NUP188: variants seen among roughly 807,000 people sequenced by gnomAD.
NUP188 encodes nucleoporin 188.
NUP188 carries 97 observed loss-of-function variants against 223.0 expected under a neutral mutation model. The ratio of observed to expected loss-of-function variants is 0.43; its 90% CI spans 0.37 to 0.51. NUP188 has a LOEUF of 0.51. Ranked by LOEUF, NUP188 falls within the 20% of genes least tolerant of loss-of-function variation. The probability of loss-of-function intolerance (pLI) is 0.00; values close to 1 mark genes in which losing one functional copy is unlikely to be tolerated. For synonymous variants in NUP188, 869 were observed against 828.0 expected (o/e 1.05, Z -0.85); for missense variants, 1,947 against 2,175.6 (o/e 0.89, Z 2.09).
chr9:128,954,385 T>G (rs1455129894), intron 3 of NUP188, among the ~76,000 whole-genome samples: 2 of 128,966 alleles, frequency 1.6e-5, no homozygotes, highest in Admixed American at 7.7e-5. Context: ...GTCTTAGTCT[T>G]TTTTTTTTTT....
At chr9:128,960,479 A>T (rs765001352) in intron 8 of NUP188, among the ~76,000 whole-genome samples, 7 of 152,188 alleles carry the variant, frequency 4.6e-5, no homozygotes, top group Non-Finnish European at 1.0e-4. Context: ...ACAGCTACTT[A>T]AAAAATATTT....
intron 25 of NUP188, among the ~76,000 whole-genome samples, chr9:128,990,672 G>A (rs1293861106): frequency 3.3e-5 from 5 of 152,226 alleles, no homozygotes; most frequent in African/African-American, 9.6e-5. Flanking sequence ...AGACCATCCT[G>A]GCTAATACGG....
In NUP188 at chr9:128,982,494, A is replaced by G. The variant is rs1842270089; in HGVS notation, c.1517-55A>G. The G allele has an allele frequency of 3.5e-6, 5 of 1,409,858 alleles. 1 individual carries two copies. Among genetic ancestry groups the G allele is most frequent in the South Asian group, 2.5e-5 (2 of 80,012 alleles). 87.3% of individuals were successfully genotyped at this position (1,409,858 alleles called of 1,614,324 possible). On this transcript the variant is annotated intron_variant, in intron 15 of 43. Coordinates refer to ENST00000372577, the MANE Select transcript of NUP188 (RefSeq NM_015354.3). Reference sequence around the variant, plus strand: ...TTAAAATATTGATGTCTGGTAGAGGAGTTACATTTTTTATTTATCCTCAGA... The same window carrying G: ...TTAAAATATTGATGTCTGGTAGAGGGGTTACATTTTTTATTTATCCTCAGA...
At position 128,990,243 on chromosome 9, in the gene NUP188, T is replaced by TG. The variant is rs756747612; in HGVS notation, c.2640+18dup. 2 of 1,577,728 alleles carry TG rather than the reference T, an allele frequency of 1.3e-6. No homozygotes were observed. The highest frequency in any genetic ancestry group is 1.7e-6 in the Non-Finnish European group (2 of 1,147,130). On this transcript the variant is annotated intron_variant, in intron 25 of 43. Transcript: ENST00000372577. ...CTGGCCACGGTAGGATCGTACTTCA[T>TG]GCACACACACTGTTTATATGAGGGT...
At position 129,006,720 on chromosome 9, in the gene NUP188, C is replaced by T. The variant is rs994792611; in HGVS notation, c.*42C>T. 3 of 1,567,238 alleles carry T rather than the reference C, an allele frequency of 1.9e-6. No individual in the cohort carries two copies. The highest frequency in any genetic ancestry group is 2.6e-6 in the Non-Finnish European group (3 of 1,160,520). On this transcript the variant is annotated 3_prime_UTR_variant, in exon 44 of 44. Transcript: ENST00000372577. ...CCACCTACCCCTCTCCACCAGCCTACACTGCACCCTGGCTGGCAGGGGTGC... is the reference window on the plus strand; with the variant it reads ...CCACCTACCCCTCTCCACCAGCCTATACTGCACCCTGGCTGGCAGGGGTGC...
intron 3 of NUP188, among the ~76,000 whole-genome samples, chr9:128,953,278 T>C (rs1841821409): frequency 6.6e-6 from 1 of 152,222 alleles, no homozygotes; most frequent in African/African-American, 2.4e-5. Context: ...CAACACCCCT[T>C]TGAGATAGTT....
chr9:128,958,770 G>T, intron 6 of NUP188, 32 bp from the exon 7 acceptor site: 1 of 1,284,788 alleles, frequency 7.8e-7, no homozygotes, highest in South Asian at 1.4e-5. Context: ...GTGCAAAGGT[G>T]AGTAACTGAT....
In NUP188 at chr9:128,969,472, A is replaced by G. The variant is rs766007220; in HGVS notation, c.870A>G (p.Arg290=). Reference sequence around the variant, plus strand: ...TGCATAAGTGTGCTTTGGATGACAGAAGAGAACTGCATCAGTTTGCGCAGG... The same window carrying G: ...TGCATAAGTGTGCTTTGGATGACAGGAGAGAACTGCATCAGTTTGCGCAGG... ...ESLHKCALDD[R]RELHQFAQDG... is the part of the protein sequence containing the mutation. The change falls in exon 10 of 44, where the codon AGA becomes AGG. Residue 290 remains arginine (R), a synonymous_variant. Coordinates refer to ENST00000372577, the MANE Select transcript of NUP188 (RefSeq NM_015354.3). 3.8e-6 allele frequency: 6 copies of G among 1,597,702 alleles called. No homozygotes were observed. In the East Asian group the frequency reaches 1.4e-4, roughly 36 times the overall value.
At position 128,980,733 on chromosome 9, in the gene NUP188, G is replaced by T. The variant is rs1024687884; in HGVS notation, c.1389+8G>T. On this transcript the variant is annotated splice_region_variant and intron_variant, in intron 14 of 43. Transcript: ENST00000372577. ...AAGTCCACAGCCAAAAAGGTAAGTT[G>T]CTTAGTCAGATAAGTAAAGAGAATG... 7 of 1,613,240 alleles carry T rather than the reference G, an allele frequency of 4.3e-6. No homozygotes were observed. Among genetic ancestry groups the T allele is most frequent in the Non-Finnish European group, 5.9e-6 (7 of 1,179,748 alleles).
At position 129,006,053 on chromosome 9, in the gene NUP188, G is replaced by A; in HGVS notation, c.4873G>A (p.Asp1625Asn). ...TTTTACCCTTGCTTCTCTTCAGCTGGACAAGAAAAAGGAGCCCCTCACCCA... is the reference window on the plus strand; with the variant it reads ...TTTTACCCTTGCTTCTCTTCAGCTGAACAAGAAAAAGGAGCCCCTCACCCA... Reference protein sequence around the residue: ...NVALNMLGELDKKKEPLTQAV... With the variant: ...NVALNMLGELNKKKEPLTQAV... The change falls in exon 42 of 44, where the codon GAC becomes AAC. Residue 1625 changes from aspartate (D) to asparagine (N), a missense_variant. By Grantham distance (23) the Asp-to-Asn change is conservative. Around this residue, in one of 3 missense-constraint regions of NUP188, gnomAD observed 905 missense variants for 990.6 expected, o/e 0.91. Coordinates refer to ENST00000372577, the MANE Select transcript of NUP188 (RefSeq NM_015354.3). 3 of 1,614,190 alleles carry A rather than the reference G, an allele frequency of 1.9e-6. No individual in the cohort carries two copies.
At chr9:128,987,106 T>A (rs1422729784) in intron 22 of NUP188, among the ~76,000 whole-genome samples, 17 of 151,428 alleles carry the variant, frequency 1.1e-4, no homozygotes, top group Non-Finnish European at 1.8e-4. Flanking sequence ...TGTGTGTGTG[T>A]GTGTGTGTGT....
At position 128,998,218 on chromosome 9, in the gene NUP188, C is replaced by G. The variant is rs746583308; in HGVS notation, c.3419C>G (p.Thr1140Ser). 6.2e-7 allele frequency: 1 copy of G among 1,612,732 alleles called. No homozygotes were observed. Among genetic ancestry groups the G allele is most frequent in the South Asian group, 1.1e-5 (1 of 91,056 alleles). ...RQLFLDVLDG[T>S]KALLLVPASV... ...CTCTTTCTTGACGTGCTTGATGGAA[C>G]CAAAGCATTAGTAAGTGTGTCTGGG... Residue 1140 changes from threonine to serine, a missense_variant, in exon 31 of 44, where the codon ACC (threonine) becomes AGC (serine). Transcript: ENST00000372577.
intron 8 of NUP188, among the ~76,000 whole-genome samples, chr9:128,966,048 G>A (rs1238400486): frequency 6.6e-6 from 1 of 151,722 alleles, no homozygotes; most frequent in African/African-American, 2.4e-5. Flanking sequence ...GCCTGCCTCG[G>A]CCTCCTAAAG....
rs143900765 is a variant in NUP188, at chr9:129,006,662, G to T, written c.5234G>T (p.Arg1745Leu). 6.2e-7 allele frequency: 1 copy of T among 1,613,370 alleles called. No individual in the cohort carries two copies. The highest frequency in any genetic ancestry group is 8.5e-7 in the Non-Finnish European group (1 of 1,179,840). Reference sequence around the variant, plus strand: ...ATCCAGTTGGTGCAGGCGTTTGTCCGGCATATGCAAAGATAGGGCAGTGCT... The same window carrying T: ...ATCCAGTTGGTGCAGGCGTTTGTCCTGCATATGCAAAGATAGGGCAGTGCT... ...PLIQLVQAFV[R>L]HMQR The change falls in exon 44 of 44, where the codon CGG becomes CTG. Residue 1745 changes from arginine to leucine, a missense_variant. Coordinates refer to ENST00000372577, the MANE Select transcript of NUP188 (RefSeq NM_015354.3).
At chr9:128,977,151 G>A (rs1423227244) in intron 12 of NUP188, among the ~76,000 whole-genome samples, 4 of 140,918 alleles carry the variant, frequency 2.8e-5, no homozygotes, top group South Asian at 4.4e-4. Context: ...ACGGAGTCTC[G>A]CTCTGTCACC....
intron 22 of NUP188, among the ~76,000 whole-genome samples, 189 bp downstream of exon 22, chr9:128,987,064 T>TGAGAGAGAGAGA (rs137999231): frequency 5.4e-5 from 6 of 110,988 alleles, no homozygotes; most frequent in Non-Finnish European, 5.8e-5. Context: ...GAAGTAGGAA[T>TGAGAGAGAGAGA]GAGAGAGAGA....
At chr9:129,003,583 A>C (rs1378273872) in intron 38 of NUP188, 129 bp downstream of exon 38, 1 of 1,120,164 alleles carries the variant, frequency 8.9e-7, no homozygotes, top group Admixed American at 1.7e-5. Context: ...CTTGGGGAGC[A>C]CAGGGTTTGC....
rs769917367 is a variant in NUP188, at chr9:128,983,001, C to T, written c.1769C>T (p.Thr590Ile). Residue 590 changes from threonine (T) to isoleucine (I), a missense_variant, in exon 17 of 44, where the codon ACA becomes ATA. Coordinates refer to ENST00000372577, the MANE Select transcript of NUP188 (RefSeq NM_015354.3). ...LSIADCLLPI[T>I]SRIYMLLQRL... is the part of the protein sequence containing the mutation. ...ATAGCAGACTGTCTCCTGCCCATCA[C>T]ATCTCGCATCTACATGCTGCTGCAG... 3 of 1,614,186 alleles carry T rather than the reference C, an allele frequency of 1.9e-6. No individual in the cohort carries two copies. Among genetic ancestry groups the T allele is most frequent in the Non-Finnish European group, 2.5e-6 (3 of 1,180,034 alleles).
At chr9:128,966,138 TG>T in intron 8 of NUP188, among the ~76,000 whole-genome samples, 1 of 145,504 alleles carries the variant, frequency 6.9e-6, no homozygotes, top group Admixed American at 6.8e-5. Flanking sequence ...CGTGTGTGTG[TG>T]TGTGTGTGTG....
Sources: allele counts gnomAD v4.1 joint callset (sites outside exome capture counted in the v4.1 genomes callset), GRCh38; gene constraint gnomAD v4.1.1; regional missense constraint gnomAD v4.1.1; transcripts MANE v1.5; gene names NCBI Gene and HGNC (gene_info 2026-07-23, HGNC 2026-07-21).